The following CARS1 variants were observed in gnomAD, a reference collection of about 807,000 sequenced individuals.
CARS1 encodes cysteine--tRNA ligase, cytoplasmic.
CARS1 carries 48 observed loss-of-function variants against 106.2 expected under a neutral mutation model. The observed-to-expected ratio is 0.45, with a 90% confidence interval of 0.36 to 0.57. CARS1 has a LOEUF of 0.57. CARS1 is among the 20% of genes least tolerant of loss of function. The pLI, the probability that CARS1 is intolerant of heterozygous loss-of-function variation, is 0.00. For missense variants in CARS1, 968 were observed against 1,057.2 expected (o/e 0.92, Z 1.17); for synonymous variants, 409 against 403.4 (o/e 1.01, Z -0.17).
chr11:3,032,412 T>G (rs1468900356), intron 7 of CARS1, among the ~76,000 whole-genome samples: 5 of 152,184 alleles, frequency 3.3e-5, no homozygotes, highest in Admixed American at 3.3e-4. Flanking sequence ...AACTACTACT[T>G]TCAACTGGCA....
chr11:3,017,980 A>G lies in CARS1; in HGVS notation c.1630-26T>C. 2 of 1,481,980 alleles carry G rather than the reference A, an allele frequency of 1.3e-6. No individual in the cohort carries two copies. Among genetic ancestry groups the G allele is most frequent in the Non-Finnish European group, 1.9e-6 (2 of 1,062,598 alleles). The allele number at this position is 1,481,980 out of a possible 1,614,324, so 91.8% of individuals were successfully genotyped here. On this transcript the variant is annotated intron_variant, in intron 14 of 22. Transcript: ENST00000380525. This position sits in a 1 kb window ranked among gnomAD's most constrained non-coding sequence, Gnocchi z 4.9. ...CTGAAGTTAGAAAAATCAGTTTAAC[A>G]GCATTTAGGCAACTTTTCCATCCTG...
At position 3,008,358 on chromosome 11, in the gene CARS1, T is replaced by G. The variant is rs908929888; in HGVS notation, c.2069-1399A>C. On this transcript the variant is annotated intron_variant, in intron 18 of 22. Transcript: ENST00000380525. This position sits in a 1 kb window ranked among gnomAD's most constrained non-coding sequence, Gnocchi z 5.1. ...ATATCCGGGCAGGCACGGTGGCTCATGACTGTAATCCCAGCACTTTTGGAG... is the reference window on the plus strand; with the variant it reads ...ATATCCGGGCAGGCACGGTGGCTCAGGACTGTAATCCCAGCACTTTTGGAG... 1 of 152,374 alleles carries G rather than the reference T, an allele frequency of 6.6e-6. No homozygotes were observed. The highest frequency in any genetic ancestry group is 2.4e-5 in the African/African-American group (1 of 41,552). 9.4% of individuals were successfully genotyped at this position (152,374 alleles called of 1,614,324 possible). A position where few individuals can be genotyped will look rare whatever the true frequency, so the allele number is the denominator to read the frequency against.
At chr11:3,056,819 G>C (rs1034725882) in intron 1 of CARS1, among the ~76,000 whole-genome samples, 57 of 152,156 alleles carry the variant, frequency 3.7e-4, no homozygotes, top group African/African-American at 1.3e-3. Context: ...GCTGGGGAAA[G>C]GCTGTTTGAT....
intron 10 of CARS1, among the ~76,000 whole-genome samples, chr11:3,025,203 T>C (rs1245296288): frequency 6.6e-6 from 1 of 152,188 alleles, no homozygotes; most frequent in East Asian, 1.9e-4. Flanking sequence ...TCTATCTTTC[T>C]TCAGTCTGTG....
Position 3,018,446 on chromosome 11 carries a change from T to C in CARS1, c.1591A>G (p.Thr531Ala), listed in dbSNP as rs762159255. 2.5e-6 allele frequency: 4 copies of C among 1,613,860 alleles called. No individual in the cohort carries two copies. The South Asian group carries it at 4.4e-5, about 18-fold the overall frequency. ...TCATATTGAAGCGCTGACTCCATGG[T>C]GTTGCTGGAGTAGTCCAGGGTGTCC... Reference protein sequence around the residue: ...WKDTLDYSSNTMESALQYEKF... With the variant: ...WKDTLDYSSNAMESALQYEKF... Residue 531 changes from threonine (T) to alanine (A), a missense_variant, in exon 14 of 23, where the codon ACC becomes GCC. Transcript: ENST00000380525.
Position 3,039,991 on chromosome 11 carries a change from A to G in CARS1, c.456-60T>C. ...GACGATATGTATAGCTTAACCTCCA[A>G]CAACACGTGTTTGAACTGCATGAGT... On this transcript the variant is annotated intron_variant, in intron 4 of 22. Transcript: ENST00000380525. The surrounding 1 kb of genome is among the most constrained non-coding windows in gnomAD (Gnocchi z 5.6). 2.3e-6 allele frequency: 2 copies of G among 874,158 alleles called. No homozygotes were observed. The highest frequency in any genetic ancestry group is 3.6e-6 in the Non-Finnish European group (2 of 549,540). 54.2% of individuals were successfully genotyped at this position (874,158 alleles called of 1,614,324 possible).
rs761564544 is a variant in CARS1, at chr11:3,040,629, G to A, written c.455+267C>T. ...TAAGGTATGTGAGAAAAAGTGCCCA[G>A]GTCGAGTCCAGCATGTTAGCAGTGG... On this transcript the variant is annotated intron_variant, in intron 4 of 22. Coordinates refer to ENST00000380525, the MANE Select transcript of CARS1 (RefSeq NM_001014437.3). The surrounding 1 kb of genome is among the most constrained non-coding windows in gnomAD (Gnocchi z 5.8). The A allele has an allele frequency of 1.6e-6, 1 of 642,528 alleles. No homozygotes were observed. Among genetic ancestry groups the A allele is most frequent in the South Asian group, 1.5e-5 (1 of 66,230 alleles). 39.8% of individuals were successfully genotyped at this position (642,528 alleles called of 1,614,324 possible).
At position 3,029,417 on chromosome 11, in the gene CARS1, C is replaced by G; in HGVS notation, c.828G>C (p.Leu276Phe). 2 of 1,614,032 alleles carry G rather than the reference C, an allele frequency of 1.2e-6. No homozygotes were observed. The highest frequency in any genetic ancestry group is 1.7e-6 in the Non-Finnish European group (2 of 1,180,030). The part of the protein sequence containing the change: ...VEVLLEEAKD[L>F]LSDWLDSTLG... ...GTGTAGAATCCAGCCAGTCAGAGAG[C>G]AAATCCTTGGCTTCTTCCAGCAACA... The change falls in exon 8 of 23, where the codon TTG (leucine) becomes TTC (phenylalanine). Residue 276 changes from leucine to phenylalanine, a missense_variant. Leu to Phe is a conservative substitution (Grantham distance 22). Transcript: ENST00000380525. The surrounding 1 kb of genome is among the most constrained non-coding windows in gnomAD (Gnocchi z 5.9).
rs978450794 is a variant in CARS1, at chr11:3,004,336, C to T, written c.2217+1030G>A. On this transcript the variant is annotated intron_variant, in intron 20 of 22. Coordinates refer to ENST00000380525, the MANE Select transcript of CARS1 (RefSeq NM_001014437.3). The surrounding 1 kb of genome is among the most constrained non-coding windows in gnomAD (Gnocchi z 5.2). ...TTGGATCTGGCATGAGCTCTCCCCT[C>T]GTGCCTTGGGCCAGTGCAGGGCTAG... Among the ~76,000 whole-genome samples the T allele has an allele frequency of 5.9e-5, 9 of 152,252 alleles. No individual in the cohort carries two copies. The highest frequency in any genetic ancestry group is 1.4e-4 in the African/African-American group (6 of 41,478).
At chr11:3,002,382 C>T (rs1849472966) in intron 21 of CARS1, 159 bp downstream of exon 21, 17 of 1,385,834 alleles carry the variant, frequency 1.2e-5, no homozygotes, top group Non-Finnish European at 1.7e-5. Context: ...TGAGAAGGGC[C>T]TGGCAGGCCT....
At chr11:3,051,636 G>T (rs2134313264) in intron 1 of CARS1, among the ~76,000 whole-genome samples, 1 of 152,294 alleles carries the variant, frequency 6.6e-6, no homozygotes, top group South Asian at 2.1e-4. Context: ...CTGCCAGCAG[G>T]GGTCCCATTT....
Position 3,037,998 on chromosome 11 carries a change from C to T in CARS1, c.801+52G>A. 5.7e-6 allele frequency: 9 copies of T among 1,566,326 alleles called. No individual in the cohort carries two copies. Among genetic ancestry groups the T allele is most frequent in the East Asian group, 2.3e-5 (1 of 44,294 alleles). On this transcript the variant is annotated intron_variant, in intron 7 of 22. Coordinates refer to ENST00000380525, the MANE Select transcript of CARS1 (RefSeq NM_001014437.3). The surrounding 1 kb of genome is among the most constrained non-coding windows in gnomAD (Gnocchi z 5.9). ...CCGTGCACACAGATCAGTCTATGCA[C>T]GGCCCGACATTTGACCCGAACGGGC...
rs1854381757 is a variant in CARS1, at chr11:3,041,035, C to T, written c.367-51G>A. The T allele has an allele frequency of 1.2e-6, 2 of 1,613,432 alleles. No individual in the cohort carries two copies. The highest frequency in any genetic ancestry group is 1.7e-6 in the Non-Finnish European group (2 of 1,179,652). ...ATCACAAGAAATGCAAGAAACACTGCACAGGATTACCAAAAACAGCAACAA... is the reference window on the plus strand; with the variant it reads ...ATCACAAGAAATGCAAGAAACACTGTACAGGATTACCAAAAACAGCAACAA... On this transcript the variant is annotated intron_variant, in intron 3 of 22. Transcript: ENST00000380525. This position sits in a 1 kb window ranked among gnomAD's most constrained non-coding sequence, Gnocchi z 4.9.
In CARS1 at chr11:3,005,392, A is replaced by G. The variant is rs138643460; in HGVS notation, c.2191T>C (p.Leu731=). ...CGTCTCTTTTCTTCTCTCTCTTTTAATAAGGTGTTTCTGTCTACCAGTTTC... is the reference window on the plus strand; with the variant it reads ...CGTCTCTTTTCTTCTCTCTCTTTTAGTAAGGTGTTTCTGTCTACCAGTTTC... ...VVKLVDRNTL[L]KEREEKRRVE... Residue 731 remains leucine (L), a synonymous_variant, in exon 20 of 23, where the codon TTA becomes CTA. Transcript: ENST00000380525. The G allele has an allele frequency of 1.1e-3, 1,746 of 1,613,662 alleles. 25 individuals are homozygous for G. In the East Asian group the frequency reaches 0.032, roughly 30 times the overall value.
At chr11:3,047,276 C>CAAAA (rs59525343) in intron 2 of CARS1, among the ~76,000 whole-genome samples, 4 of 84,514 alleles carry the variant, frequency 4.7e-5, no homozygotes, top group Admixed American at 1.2e-4. Context: ...GACTCCATCT[C>CAAAA]AAAAAAAAAA....
chr11:3,035,576 C>T (rs1044533239), intron 7 of CARS1, among the ~76,000 whole-genome samples: 7 of 152,140 alleles, frequency 4.6e-5, no homozygotes, highest in African/African-American at 1.7e-4. Context: ...GCCTCAAACT[C>T]CTGGGCTCAG....
Position 3,034,233 on chromosome 11 carries a change from G to GTTTTGT in CARS1, c.801+3816_801+3817insACAAAA, listed in dbSNP as rs1853284931. The stretch of plus-strand genomic sequence containing the variant: ...TCTGTTTTTTGTTTTGTTTTGTTTT[G>GTTTTGT]TTTTTTTGAGACAGTCTCACTCTGT... On this transcript the variant is annotated intron_variant, in intron 7 of 22. Coordinates refer to ENST00000380525, the MANE Select transcript of CARS1 (RefSeq NM_001014437.3). This position sits in a 1 kb window ranked among gnomAD's most constrained non-coding sequence, Gnocchi z 6.3. 6.6e-6 allele frequency among the ~76,000 whole-genome samples: 1 copy of GTTTTGT among 151,674 alleles called. No homozygotes were observed.
At position 3,039,877 on chromosome 11, in the gene CARS1, A is replaced by T; in HGVS notation, c.510T>A (p.Phe170Leu). The change falls in exon 5 of 23, where the codon TTT becomes TTA. Residue 170 changes from phenylalanine to leucine, a missense_variant. Phe to Leu is a conservative substitution (Grantham distance 22). Coordinates refer to ENST00000380525, the MANE Select transcript of CARS1 (RefSeq NM_001014437.3). This position sits in a 1 kb window ranked among gnomAD's most constrained non-coding sequence, Gnocchi z 5.6. ...TAATGTTCATGCAATAAAAGACATC[A>T]AATTTGAAGTAATCCTTCAACACTC... Reference protein sequence around the residue: ...LRRVLKDYFKFDVFYCMNITD... With the variant: ...LRRVLKDYFKLDVFYCMNITD... 1 of 1,591,674 alleles carries T rather than the reference A, an allele frequency of 6.3e-7. No homozygotes were observed. Among genetic ancestry groups the T allele is most frequent in the African/African-American group, 1.3e-5 (1 of 74,304 alleles).
chr11:3,015,046 C>G (rs1345952817), intron 17 of CARS1, among the ~76,000 whole-genome samples: 5 of 152,310 alleles, frequency 3.3e-5, no homozygotes, highest in East Asian at 1.9e-4. Context: ...CTTTAAGAAG[C>G]CTGACTGTGG....
Sources: gnomAD v4.1 joint callset for allele counts (sites outside exome capture counted in the v4.1 genomes callset) on GRCh38, gnomAD v4.1.1 for gene constraint, Gnocchi (gnomAD v3.1) non-coding constraint, MANE v1.5 for transcripts, NCBI Gene and HGNC (gene_info 2026-07-23, HGNC 2026-07-21) for gene names.